VAMP7: variants seen among roughly 807,000 people sequenced by gnomAD.
VAMP7 encodes the protein vesicle associated membrane protein 7, also known as vesicle-associated membrane protein 7.
In VAMP7, 14 loss-of-function variants were observed where a neutral mutation model predicts 29.6. The observed-to-expected ratio is 0.47, with a 90% CI of 0.31 to 0.74. The LOEUF is 0.74. Ranked by LOEUF, VAMP7 falls within the 30% of genes least tolerant of loss-of-function variation. The pLI is 0.05. For synonymous variants in VAMP7, 95 were observed against 88.1 expected (o/e 1.08, Z -0.44); for missense variants, 223 against 262.4 (o/e 0.85, Z 1.04).
intron 6 of VAMP7, among the ~76,000 whole-genome samples, chrX:155,930,493 A>AC (rs1441540157): frequency 5.9e-5 from 4 of 68,190 alleles, no homozygotes; most frequent in Non-Finnish European, 1.2e-4. Context: ...ACCAAACAAA[A>AC]AAAAAAAAAA....
intron 5 of VAMP7, among the ~76,000 whole-genome samples, chrX:155,902,178 T>C (rs1349692570): frequency 6.6e-6 from 1 of 151,832 alleles, no homozygotes; most frequent in African/African-American, 2.4e-5. Context: ...CTGTCCGTTA[T>C]TGGTGTATAA....
chrX:155,911,696 T>G (rs1006428547), intron 5 of VAMP7, among the ~76,000 whole-genome samples: 4 of 152,160 alleles, frequency 2.6e-5, no homozygotes, highest in Non-Finnish European at 5.9e-5. Context: ...TTCAATATTT[T>G]ATATGTTCAT....
At chrX:155,884,331 T>A (rs2065841111) in intron 1 of VAMP7, among the ~76,000 whole-genome samples, 1 of 151,900 alleles carries the variant, frequency 6.6e-6, no homozygotes, top group Non-Finnish European at 1.5e-5. Context: ...TTCTCCATGT[T>A]GGTCAGGCTG....
intron 4 of VAMP7, 36 bp from the exon 5 acceptor site, chrX:155,900,461 T>C: frequency 6.6e-7 from 1 of 1,510,172 alleles, no homozygotes; most frequent in Non-Finnish European, 9.1e-7. Context: ...GTAAATAATG[T>C]CTAGGTACCA....
At chrX:155,934,723 G>A (rs184786021) in intron 6 of VAMP7, among the ~76,000 whole-genome samples, 541 of 152,248 alleles carry the variant, frequency 3.6e-3, no homozygotes, top group Middle Eastern at 0.017. Context: ...ACTGTTATGT[G>A]TGAATTTGAT....
At chrX:155,886,849 T>C (rs2065871307) in intron 1 of VAMP7, among the ~76,000 whole-genome samples, 1 of 152,230 alleles carries the variant, frequency 6.6e-6, no homozygotes. Context: ...TGGTTCATAA[T>C]GAACTTACAG....
At chrX:155,915,078 G>A (rs1262504756) in intron 5 of VAMP7, among the ~76,000 whole-genome samples, 2 of 152,042 alleles carry the variant, frequency 1.3e-5, no homozygotes, top group Non-Finnish European at 1.5e-5. Context: ...ACTTCTTCCT[G>A]GTTCAGTCTT....
At position 155,917,931 on chromosome X, in the gene VAMP7, G is replaced by A. The variant is rs764160808; in HGVS notation, c.434-1882G>A. ...CAGCCACCCCTTCCCCCAGGTGCTC[G>A]GTCCCAAGGAGATGGGAGTTTTATC... On this transcript the variant is annotated intron_variant, in intron 5 of 7. Transcript: ENST00000286448. Among the ~76,000 whole-genome samples the A allele has an allele frequency of 2.6e-5, 4 of 152,248 alleles. No homozygotes were observed. In the South Asian group the frequency reaches 6.2e-4, roughly 24 times the overall value.
intron 6 of VAMP7, among the ~76,000 whole-genome samples, chrX:155,935,385 G>A (rs989574494): frequency 4.8e-4 from 73 of 152,172 alleles, no homozygotes; most frequent in Non-Finnish European, 1.5e-4. Context: ...ATTTCTTGGA[G>A]GCTTTTTTCG....
intron 2 of VAMP7, among the ~76,000 whole-genome samples, chrX:155,890,931 GAT>G (rs1175363558): frequency 6.6e-6 from 1 of 152,116 alleles, no homozygotes; most frequent in African/African-American, 2.4e-5. Context: ...ATTTTAATGA[GAT>G]AGTCCAGAGA....
chrX:155,917,248 G>C (rs1254151078), intron 5 of VAMP7, among the ~76,000 whole-genome samples: 3 of 152,082 alleles, frequency 2.0e-5, no homozygotes, highest in African/African-American at 7.2e-5. Flanking sequence ...ATTCTAGTTA[G>C]CAATTCCTCT....
At chrX:155,910,546 TA>T (rs2066222201) in intron 5 of VAMP7, among the ~76,000 whole-genome samples, 1 of 152,084 alleles carries the variant, frequency 6.6e-6, no homozygotes, top group Non-Finnish European at 1.5e-5. Flanking sequence ...GTTTCCATAG[TA>T]GCTGCACTAG....
At chrX:155,901,488 CTTAT>C (rs1457957787) in intron 5 of VAMP7, among the ~76,000 whole-genome samples, 4 of 151,760 alleles carry the variant, frequency 2.6e-5, no homozygotes, top group Non-Finnish European at 5.9e-5. Flanking sequence ...TTTTAAATGA[CTTAT>C]TTATTTTTAG....
intron 5 of VAMP7, among the ~76,000 whole-genome samples, chrX:155,918,934 T>A (rs1056239228): frequency 2.5e-4 from 38 of 152,200 alleles, no homozygotes; most frequent in African/African-American, 8.9e-4. Flanking sequence ...TAAATCCCAC[T>A]TGATCATGGT....
At chrX:155,920,881 T>G (rs1468376836) in intron 6 of VAMP7, among the ~76,000 whole-genome samples, 1 of 152,220 alleles carries the variant, frequency 6.6e-6, no homozygotes, top group African/African-American at 2.4e-5. Context: ...ATATACAGTC[T>G]ACTATCAGGT....
At chrX:155,898,284 A>C in intron 4 of VAMP7, 35 bp downstream of exon 4, 1 of 1,606,964 alleles carries the variant, frequency 6.2e-7, no homozygotes, top group Non-Finnish European at 8.5e-7. Context: ...ATTTTGATTT[A>C]TATCTTCTTC....
chrX:155,904,843 A>C (rs1278902277), intron 5 of VAMP7, among the ~76,000 whole-genome samples: 1 of 150,746 alleles, frequency 6.6e-6, no homozygotes, highest in Non-Finnish European at 1.5e-5. Context: ...TGGTTATTAT[A>C]AATAATGCTG....
intron 6 of VAMP7, among the ~76,000 whole-genome samples, chrX:155,938,474 A>G (rs1361108828): frequency 6.8e-6 from 1 of 147,644 alleles, no homozygotes; most frequent in Admixed American, 6.8e-5. Context: ...ATATACATAA[A>G]GTGCATCAAC....
intron 2 of VAMP7, among the ~76,000 whole-genome samples, chrX:155,891,517 G>A (rs1464198702): frequency 2.6e-5 from 4 of 152,186 alleles, no homozygotes; most frequent in Admixed American, 2.6e-4. Flanking sequence ...GCCTAACCCA[G>A]TAGACAATGG....
Sources: allele counts gnomAD v4.1 joint callset (sites outside exome capture counted in the v4.1 genomes callset), GRCh38; gene constraint gnomAD v4.1.1; transcripts MANE v1.5; gene names NCBI Gene and HGNC (gene_info 2026-07-23, HGNC 2026-07-21).